CDH13: variants seen among roughly 807,000 people sequenced by gnomAD.
CDH13 encodes cadherin 13.
A neutral mutation model predicts 63.8 loss-of-function variants in CDH13; 24 were observed. That is an observed-to-expected ratio of 0.38 (90% CI 0.27 to 0.53). The LOEUF (loss-of-function observed/expected upper bound fraction) is 0.53. CDH13 is among the 20% of genes least tolerant of loss of function. The pLI, the probability that CDH13 is intolerant of heterozygous loss-of-function variation, is 0.85. For synonymous variants in CDH13, 503 were observed against 355.3 expected (o/e 1.42, Z -4.67); for missense variants, 1,049 against 903.1 (o/e 1.16, Z -2.07).
intron 1 of CDH13, among the ~76,000 whole-genome samples, chr16:82,793,195 G>A (rs138540587): frequency 5.9e-5 from 9 of 152,332 alleles, no homozygotes; most frequent in South Asian, 2.1e-4. Flanking sequence ...CCATTGTGTC[G>A]CCTGTTAGTA....
intron 7 of CDH13, among the ~76,000 whole-genome samples, chr16:83,552,791 G>A (rs974167899): frequency 5.3e-5 from 8 of 152,132 alleles, no homozygotes; most frequent in Non-Finnish European, 1.0e-4. Flanking sequence ...TTTCAAAGAC[G>A]TGGTTATTGG....
chr16:83,682,884 C>T, intron 10 of CDH13, among the ~76,000 whole-genome samples: 1 of 152,208 alleles, frequency 6.6e-6, no homozygotes, highest in East Asian at 1.9e-4. Flanking sequence ...GTCACCTCCT[C>T]CCTGAGGGGG....
chr16:83,757,049 T>A (rs1295621600), intron 11 of CDH13, among the ~76,000 whole-genome samples: 1 of 152,204 alleles, frequency 6.6e-6, no homozygotes, highest in African/African-American at 2.4e-5. Flanking sequence ...TAACAAACGT[T>A]TTTAACTGCA....
At chr16:82,857,541 A>G (rs779653783) in intron 1 of CDH13, among the ~76,000 whole-genome samples, 5 of 152,218 alleles carry the variant, frequency 3.3e-5, no homozygotes, top group Admixed American at 2.0e-4. Flanking sequence ...CATCTCATAC[A>G]TTATGTTCCA....
intron 8 of CDH13, among the ~76,000 whole-genome samples, chr16:83,669,655 T>G (rs1914328493): frequency 6.6e-6 from 1 of 152,202 alleles, no homozygotes; most frequent in Non-Finnish European, 1.5e-5. Flanking sequence ...CCCTGTCCCC[T>G]GAGAGGCCTC....
chr16:83,153,512 G>A (rs2037079143), intron 4 of CDH13, among the ~76,000 whole-genome samples: 1 of 152,126 alleles, frequency 6.6e-6, no homozygotes, highest in Non-Finnish European at 1.5e-5. Flanking sequence ...TTCGGGAAAG[G>A]GCTGTTATCA....
intron 4 of CDH13, among the ~76,000 whole-genome samples, chr16:83,205,935 A>T (rs367887698): frequency 2.4e-4 from 36 of 152,244 alleles, no homozygotes; most frequent in African/African-American, 8.7e-4. Context: ...ATCATGAGAG[A>T]GAAACTGACC....
At chr16:83,568,292 A>G (rs769448125) in intron 7 of CDH13, among the ~76,000 whole-genome samples, 66 of 152,356 alleles carry the variant, frequency 4.3e-4, no homozygotes, top group Middle Eastern at 3.4e-3. Context: ...TTAATTTCTT[A>G]TAAAGATGAA....
chr16:83,645,980 G>C (rs1003487817), intron 8 of CDH13, among the ~76,000 whole-genome samples: 3 of 152,132 alleles, frequency 2.0e-5, no homozygotes, highest in Non-Finnish European at 4.4e-5. Flanking sequence ...ACATAAACTG[G>C]GGGAAATGTC....
At chr16:83,518,886 C>G (rs1053692559) in intron 7 of CDH13, among the ~76,000 whole-genome samples, 2 of 152,170 alleles carry the variant, frequency 1.3e-5, no homozygotes, top group African/African-American at 4.8e-5. Context: ...TTTCCTGAAG[C>G]CTCTGCATTC....
intron 10 of CDH13, among the ~76,000 whole-genome samples, chr16:83,691,048 A>G (rs1567518536): frequency 1.3e-5 from 2 of 150,370 alleles, no homozygotes; most frequent in Non-Finnish European, 3.0e-5. Flanking sequence ...TACTGGTGAC[A>G]GGGATTTGCT....
chr16:83,450,005 TCC>T (rs1292421641), intron 6 of CDH13, among the ~76,000 whole-genome samples: 1 of 152,050 alleles, frequency 6.6e-6, no homozygotes, highest in African/African-American at 2.4e-5. Context: ...GGCAGATAGT[TCC>T]CCCGCCCCGA....
At chr16:83,067,698 T>C (rs2032124223) in intron 3 of CDH13, among the ~76,000 whole-genome samples, 1 of 152,114 alleles carries the variant, frequency 6.6e-6, no homozygotes, top group African/African-American at 2.4e-5. Context: ...CAAAAGTAGG[T>C]TAGGAAAATA....
chr16:82,972,900 T>A lies in CDH13; in HGVS notation c.158-59110T>A, dbSNP rs183020923. Among the ~76,000 whole-genome samples the A allele has an allele frequency of 5.3e-5, 8 of 152,318 alleles. No homozygotes were observed. In the East Asian group the frequency reaches 1.5e-3, roughly 29 times the overall value. ...GAAACCAGGTCACTCAGGCACAACCTGATTTTAATGAACCCTCGTAGGCGT... is the reference window on the plus strand; with the variant it reads ...GAAACCAGGTCACTCAGGCACAACCAGATTTTAATGAACCCTCGTAGGCGT... On this transcript the variant is annotated intron_variant, in intron 2 of 13. Transcript: ENST00000567109.
intron 6 of CDH13, among the ~76,000 whole-genome samples, chr16:83,359,435 T>A (rs920946722): frequency 1.3e-5 from 2 of 152,160 alleles, no homozygotes; most frequent in Non-Finnish European, 2.9e-5. Flanking sequence ...TTCTTTTCAG[T>A]GGTGCTAGTT....
intron 1 of CDH13, among the ~76,000 whole-genome samples, chr16:82,764,331 A>G (rs1346263770): frequency 6.6e-6 from 1 of 152,174 alleles, no homozygotes; most frequent in Non-Finnish European, 1.5e-5. Flanking sequence ...CTTACCTACT[A>G]GAAAGGATTC....
intron 2 of CDH13, among the ~76,000 whole-genome samples, chr16:82,919,198 C>T (rs1473645063): frequency 1.3e-5 from 2 of 152,030 alleles, no homozygotes; most frequent in African/African-American, 2.4e-5. Flanking sequence ...TGTCATATGG[C>T]ATCTTTACTT....
At chr16:83,722,607 G>A (rs901025132) in intron 10 of CDH13, among the ~76,000 whole-genome samples, 2 of 152,210 alleles carry the variant, frequency 1.3e-5, no homozygotes, top group African/African-American at 4.8e-5. Flanking sequence ...ATAGCCAGAG[G>A]TAAGTGAAAT....
chr16:83,340,299 C>T (rs1337018238), intron 5 of CDH13, among the ~76,000 whole-genome samples: 2 of 83,316 alleles, frequency 2.4e-5, no homozygotes, highest in East Asian at 3.9e-4. Flanking sequence ...TGTCTGCCTA[C>T]ATCTGAGTGT....
Sources: allele counts gnomAD v4.1 joint callset (sites outside exome capture counted in the v4.1 genomes callset), GRCh38; gene constraint gnomAD v4.1.1; transcripts MANE v1.5; gene names NCBI Gene and HGNC (gene_info 2026-07-23, HGNC 2026-07-21).